The following PPP2R5E variants were observed in gnomAD, a reference collection of about 807,000 sequenced individuals.
PPP2R5E encodes the protein serine/threonine-protein phosphatase 2A 56 kDa regulatory subunit epsilon isoform.
PPP2R5E carries 4 observed loss-of-function variants against 65.3 expected under a neutral mutation model. That is an observed-to-expected ratio of 0.06 (90% CI 0.03 to 0.14). The LOEUF (loss-of-function observed/expected upper bound fraction) is 0.14. Among genes scored for constraint, PPP2R5E ranks in the 10% least tolerant of loss-of-function variants. The probability of loss-of-function intolerance (pLI) is 1.00; values close to 1 mark genes in which losing one functional copy is unlikely to be tolerated. For missense variants in PPP2R5E, 274 were observed against 556.1 expected, an observed-to-expected ratio of 0.49 and a Z score of 5.10; for synonymous variants, 183 against 187.4, an observed-to-expected ratio of 0.98 and a Z score of 0.19.
At chr14:63,463,600 CTT>C (rs534076468) in intron 2 of PPP2R5E, among the ~76,000 whole-genome samples, 6 of 139,154 alleles carry the variant, frequency 4.3e-5, no homozygotes, top group Non-Finnish European at 4.7e-5. Context: ...CTCGAATTCG[CTT>C]TTTTTTTTTT....
chr14:63,398,955 G>A (rs760722882), intron 5 of PPP2R5E, among the ~76,000 whole-genome samples: 3 of 152,308 alleles, frequency 2.0e-5, no homozygotes, highest in Non-Finnish European at 4.4e-5. Context: ...TCAGAAAACA[G>A]TTTGGCAGTT....
chr14:63,483,074 G>A (rs917480041), intron 2 of PPP2R5E, among the ~76,000 whole-genome samples: 1 of 152,192 alleles, frequency 6.6e-6, no homozygotes, highest in Non-Finnish European at 1.5e-5. Context: ...GGAAGCTGAG[G>A]CAGGCAGATT....
intron 2 of PPP2R5E, among the ~76,000 whole-genome samples, chr14:63,511,421 C>T (rs551714910): frequency 1.4e-3 from 215 of 152,268 alleles, no homozygotes; most frequent in Non-Finnish European, 2.2e-3. Flanking sequence ...ATCCATCTGA[C>T]GGGATGTTCA....
At chr14:63,480,102 C>A (rs1490754653) in intron 2 of PPP2R5E, among the ~76,000 whole-genome samples, 1 of 152,210 alleles carries the variant, frequency 6.6e-6, no homozygotes, top group Non-Finnish European at 1.5e-5. Context: ...TTTTACCAAT[C>A]TTACTCCACA....
rs768261348 is a variant in PPP2R5E at position 63,391,887 on chromosome 14, A to C, written c.904-20T>G. On this transcript the variant is annotated intron_variant, in intron 9 of 13. Transcript: ENST00000337537. ...AATAACCTAAAATGAAAAGGAGAAA[A>C]ACAAATGGCATTTAACTTTTTCATA... 1.6e-5 allele frequency: 25 copies of C among 1,612,472 alleles called. No individual in the cohort carries two copies. Among genetic ancestry groups the C allele is most frequent in the Middle Eastern group, 1.6e-4 (1 of 6,080 alleles).
intron 2 of PPP2R5E, among the ~76,000 whole-genome samples, chr14:63,509,774 T>A (rs1892375934): frequency 6.6e-6 from 1 of 152,180 alleles, no homozygotes; most frequent in African/African-American, 2.4e-5. Flanking sequence ...GGGAAAGCCA[T>A]CTGAGAGACA....
At chr14:63,539,141 A>C (rs1893787899) in intron 2 of PPP2R5E, among the ~76,000 whole-genome samples, 1 of 152,166 alleles carries the variant, frequency 6.6e-6, no homozygotes, top group Non-Finnish European at 1.5e-5. Context: ...AAATTAATGA[A>C]TGGTACCATC....
chr14:63,543,301 C>T lies in PPP2R5E; in HGVS notation c.-530G>A, dbSNP rs1387165981. On this transcript the variant is annotated 5_prime_UTR_variant, in exon 1 of 14. Coordinates refer to ENST00000337537, the MANE Select transcript of PPP2R5E (RefSeq NM_006246.5). ...ACCCGCGGTGGGTCCCAGTCAATGC[C>T]CCTTTCTCTCTCCTATTGTCAATAT... 6.5e-6 allele frequency: 1 copy of T among 153,260 alleles called. No individual in the cohort carries two copies. Among genetic ancestry groups the T allele is most frequent in the Non-Finnish European group, 1.5e-5 (1 of 68,628 alleles). 9.5% of individuals were successfully genotyped at this position (153,260 alleles called of 1,614,324 possible).
chr14:63,506,647 C>T (rs1018858304), intron 2 of PPP2R5E, among the ~76,000 whole-genome samples: 2 of 152,152 alleles, frequency 1.3e-5, no homozygotes, highest in South Asian at 4.2e-4. Context: ...GAAAATAATA[C>T]GTGTTGGCAA....
At chr14:63,424,623 C>T (rs912716168) in intron 3 of PPP2R5E, among the ~76,000 whole-genome samples, 2 of 151,738 alleles carry the variant, frequency 1.3e-5, no homozygotes, top group South Asian at 2.1e-4. Context: ...TGGTGGCGGG[C>T]GCCTGTAGTC....
At position 63,482,425 on chromosome 14, in the gene PPP2R5E, T is replaced by C. The variant is rs113320555; in HGVS notation, c.158-28540A>G. On this transcript the variant is annotated intron_variant, in intron 2 of 13. Coordinates refer to ENST00000337537, the MANE Select transcript of PPP2R5E (RefSeq NM_006246.5). ...AGTGAGCCAAGATCGCACCACTGCATTCCAGCCTGGGTGACAGAGTGGGAC... is the reference window on the plus strand; with the variant it reads ...AGTGAGCCAAGATCGCACCACTGCACTCCAGCCTGGGTGACAGAGTGGGAC... 2.5e-3 allele frequency among the ~76,000 whole-genome samples: 375 copies of C among 152,242 alleles called. 3 individuals are homozygous for C. The highest frequency in any genetic ancestry group is 8.6e-3 in the African/African-American group (357 of 41,548).
intron 2 of PPP2R5E, among the ~76,000 whole-genome samples, chr14:63,498,005 ACTT>A (rs990893473): frequency 6.6e-6 from 1 of 152,204 alleles, no homozygotes; most frequent in Admixed American, 6.5e-5. Context: ...TATGTGGTGA[ACTT>A]CTGGCAATAA....
chr14:63,504,736 G>T (rs917732207), intron 2 of PPP2R5E, among the ~76,000 whole-genome samples: 1 of 152,122 alleles, frequency 6.6e-6, no homozygotes, highest in East Asian at 1.9e-4. Context: ...CCTGTAGAAT[G>T]CAAGTGCCTT....
intron 1 of PPP2R5E, among the ~76,000 whole-genome samples, chr14:63,541,069 CA>C (rs1893882139): frequency 7.0e-6 from 1 of 142,978 alleles, no homozygotes; most frequent in Admixed American, 7.0e-5. Flanking sequence ...CAATGTATCA[CA>C]GCAAGGTGAA....
At chr14:63,474,364 G>A (rs1425729973) in intron 2 of PPP2R5E, among the ~76,000 whole-genome samples, 1 of 152,134 alleles carries the variant, frequency 6.6e-6, no homozygotes, top group East Asian at 1.9e-4. Context: ...AGAGGAGTCA[G>A]CAAGTAAAAG....
At position 63,465,495 on chromosome 14, in the gene PPP2R5E, C is replaced by G. The variant is rs187781916; in HGVS notation, c.158-11610G>C. 2.3e-4 allele frequency among the ~76,000 whole-genome samples: 35 copies of G among 150,070 alleles called. No individual in the cohort carries two copies. In the Middle Eastern group the frequency reaches 0.01, roughly 45 times the overall value. ...AAAACAACAACTAACAAAAGATTAG[C>G]CAGGCCTGTAGTCTCAGCTACTTAG... On this transcript the variant is annotated intron_variant, in intron 2 of 13. Transcript: ENST00000337537.
At chr14:63,475,478 A>C (rs78806361) in intron 2 of PPP2R5E, among the ~76,000 whole-genome samples, 2,067 of 152,382 alleles carry the variant, frequency 0.014, 44 homozygotes, top group African/African-American at 0.047. Context: ...TTTAGTGATG[A>C]AAGTCTAAGG....
At chr14:63,406,374 G>A (rs1886091093) in intron 5 of PPP2R5E, among the ~76,000 whole-genome samples, 1 of 148,386 alleles carries the variant, frequency 6.7e-6, no homozygotes, top group African/African-American at 2.5e-5. Context: ...TCGAGCCACT[G>A]CAATCCAGCC....
rs537491310 is a variant in PPP2R5E at position 63,518,845 on chromosome 14, AC to A, written c.157+20683del. On this transcript the variant is annotated intron_variant, in intron 2 of 13. Coordinates refer to ENST00000337537, the MANE Select transcript of PPP2R5E (RefSeq NM_006246.5). The stretch of plus-strand genomic sequence containing the variant: ...TAAGAATATGCAGGCTGCTCTGCCT[AC>A]AGAGTAGCCATTCTTTTATTCCTTT... 1.2e-3 allele frequency among the ~76,000 whole-genome samples: 186 copies of A among 152,320 alleles called. 10 individuals carry two copies. The South Asian group carries it at 0.037, about 31-fold the overall frequency.
Sources: allele counts gnomAD v4.1 joint callset (sites outside exome capture counted in the v4.1 genomes callset), GRCh38; gene constraint gnomAD v4.1.1; transcripts MANE v1.5; gene names NCBI Gene and HGNC (gene_info 2026-07-23, HGNC 2026-07-21).